Variants in CEP57 observed in about 807,000 individuals in gnomAD.
CEP57 encodes centrosomal protein of 57 kDa.
In CEP57, 40 loss-of-function variants were observed where a neutral mutation model predicts 68.0. The ratio of observed to expected loss-of-function variants is 0.59; its 90% CI spans 0.46 to 0.77. CEP57 has a LOEUF of 0.77. Among genes scored for constraint, CEP57 ranks in the 30% least tolerant of loss-of-function variants. The probability of loss-of-function intolerance (pLI) is 0.00; values close to 1 mark genes in which losing one functional copy is unlikely to be tolerated. For missense variants in CEP57, 606 were observed against 580.7 expected (o/e 1.04, Z -0.45); for synonymous variants, 219 against 198.7 (o/e 1.10, Z -0.86).
upstream of CEP57, chr11:95,790,327 T>C (rs1029450236): frequency 5.5e-6 from 2 of 363,520 alleles, no homozygotes; most frequent in East Asian, 5.7e-5. Flanking sequence ...GGCCCGACCC[T>C]CCGTAGAATC....
chr11:95,797,850 C>CAAGTCACT (rs1861416727), intron 1 of CEP57, among the ~76,000 whole-genome samples: 2 of 152,064 alleles, frequency 1.3e-5, no homozygotes, highest in South Asian at 4.1e-4. Flanking sequence ...GGGTGGTCGG[C>CAAGTCACT]AAGTCACTTA....
intron 2 of CEP57, among the ~76,000 whole-genome samples, chr11:95,804,175 G>C (rs1292865286): frequency 1.3e-5 from 2 of 152,100 alleles, no homozygotes; most frequent in Non-Finnish European, 2.9e-5. Flanking sequence ...AAAATAAATA[G>C]CTGACAAAGG....
chr11:95,790,397 A>G, upstream of CEP57: 3 of 500,350 alleles, frequency 6.0e-6, no homozygotes, highest in East Asian at 3.4e-5. Context: ...GTTACGCGCT[A>G]CCTTGTGACG....
chr11:95,831,649 A>C lies in CEP57; in HGVS notation c.*393A>C, dbSNP rs1003211689. 7 of 152,996 alleles carry C rather than the reference A, an allele frequency of 4.6e-5. No homozygotes were observed. Among genetic ancestry groups the C allele is most frequent in the East Asian group, 3.8e-4 (2 of 5,210 alleles). The allele number at this position is 152,996 out of a possible 1,614,324, so 9.5% of individuals were successfully genotyped here. A position where few individuals can be genotyped will look rare whatever the true frequency, so the allele number is the denominator to read the frequency against. On this transcript the variant is annotated 3_prime_UTR_variant, in exon 11 of 11. Coordinates refer to ENST00000325542, the MANE Select transcript of CEP57 (RefSeq NM_014679.5). The stretch of plus-strand genomic sequence containing the variant: ...TGCTATAGGCAGTGCTTGCTTGAAA[A>C]GTCTCATTTTTAAATCTCCCTGGCA...
chr11:95,792,625 TA>T (rs1008380783), intron 1 of CEP57, among the ~76,000 whole-genome samples: 2 of 152,238 alleles, frequency 1.3e-5, no homozygotes, highest in Non-Finnish European at 2.9e-5. Context: ...TAGGAAAGCA[TA>T]TTTTTTTTGT....
chr11:95,817,623 C>G (rs1862352411), intron 4 of CEP57, among the ~76,000 whole-genome samples, 164 bp from the exon 5 acceptor site: 1 of 152,106 alleles, frequency 6.6e-6, no homozygotes, highest in Non-Finnish European at 1.5e-5. Context: ...ACAGTATCCA[C>G]TTATATCAGT....
At chr11:95,796,569 A>G (rs935649077) in intron 1 of CEP57, among the ~76,000 whole-genome samples, 7 of 152,354 alleles carry the variant, frequency 4.6e-5, no homozygotes, top group Non-Finnish European at 8.8e-5. Context: ...TGCGGAGGAA[A>G]TGTATAGTTA....
At chr11:95,829,469 C>G in intron 10 of CEP57, 138 bp downstream of exon 10, 1 of 917,226 alleles carries the variant, frequency 1.1e-6, no homozygotes. Flanking sequence ...GACATTTGTT[C>G]ATTGAGAATT....
At position 95,812,987 on chromosome 11, in the gene CEP57, G is replaced by A. The variant is rs912374722; in HGVS notation, c.258G>A (p.Glu86=). 6.2e-7 allele frequency: 1 copy of A among 1,613,916 alleles called. No individual in the cohort carries two copies. Among genetic ancestry groups the A allele is most frequent in the African/African-American group, 1.3e-5 (1 of 74,912 alleles). Residue 86 remains glutamate, a synonymous_variant, in exon 3 of 11, where the codon GAG becomes GAA. Coordinates refer to ENST00000325542, the MANE Select transcript of CEP57 (RefSeq NM_014679.5). ...ATAAGATTCGACGCTTGGAACTTGA[G>A]AGGATTCAGGCAGAAGAAAGTGTGA... ...LQDKIRRLEL[E]RIQAEESVKT... is the part of the protein sequence containing the mutation.
At chr11:95,795,577 A>G in intron 1 of CEP57, 1 of 534,528 alleles carries the variant, frequency 1.9e-6, no homozygotes, top group South Asian at 2.7e-5. Flanking sequence ...TCTTTGTCTT[A>G]CTCCTGATTT....
chr11:95,797,312 C>T (rs1861393108), intron 1 of CEP57, among the ~76,000 whole-genome samples: 1 of 152,036 alleles, frequency 6.6e-6, no homozygotes, highest in South Asian at 2.1e-4. Context: ...GATTACAGGG[C>T]ACACCCCCAC....
At chr11:95,813,696 C>G in intron 4 of CEP57, 107 bp downstream of exon 4, 1 of 1,346,442 alleles carries the variant, frequency 7.4e-7, no homozygotes, top group Non-Finnish European at 1.0e-6. Flanking sequence ...TGTTACAGCC[C>G]AGGACTGAAA....
At chr11:95,812,209 T>TA in intron 2 of CEP57, among the ~76,000 whole-genome samples, 1 of 152,186 alleles carries the variant, frequency 6.6e-6, no homozygotes, top group South Asian at 2.1e-4. Context: ...CTCCTATTAA[T>TA]AAAATGTATT....
chr11:95,796,438 T>G (rs757375905), intron 1 of CEP57, among the ~76,000 whole-genome samples: 2 of 152,232 alleles, frequency 1.3e-5, no homozygotes, highest in Non-Finnish European at 2.9e-5. Context: ...AGCCTTCCTA[T>G]GATATTTGTG....
In CEP57 at chr11:95,790,583, T is replaced by G; in HGVS notation, c.-116T>G. ...GCCCAGCACCAGCACCCTTGCCCTT[T>G]TCCATCAGGGGTTCAGCCTAGGGTC... On this transcript the variant is annotated 5_prime_UTR_variant, in exon 1 of 11. Transcript: ENST00000325542. 7.7e-7 allele frequency: 1 copy of G among 1,293,832 alleles called. No homozygotes were observed. The highest frequency in any genetic ancestry group is 1.3e-5 in the South Asian group (1 of 79,034). The allele number at this position is 1,293,832 out of a possible 1,614,324, so 80.1% of individuals were successfully genotyped here.
chr11:95,821,279 C>T (rs926947553), intron 6 of CEP57, among the ~76,000 whole-genome samples: 3 of 151,910 alleles, frequency 2.0e-5, no homozygotes, highest in African/African-American at 7.3e-5. Flanking sequence ...TTTTGAAATT[C>T]TTAGTGCTTG....
chr11:95,799,295 G>C lies in CEP57; in HGVS notation c.109G>C (p.Val37Leu). The change falls in exon 2 of 11, where the codon GTA becomes CTA. Residue 37 changes from valine to leucine, a missense_variant. Transcript: ENST00000325542. Reference protein sequence around the residue: ...SMVRHSSSPYVVYPSDKPFLN... With the variant: ...SMVRHSSSPYLVYPSDKPFLN... ...GGTTCGGCATTCTTCATCTCCATAT[G>C]TAGTATATCCTTCGGATAAGCCTTT... is the stretch of plus-strand genomic sequence containing the variant. 6.2e-7 allele frequency: 1 copy of C among 1,614,104 alleles called. No individual in the cohort carries two copies. The highest frequency in any genetic ancestry group is 8.5e-7 in the Non-Finnish European group (1 of 1,179,958).
chr11:95,807,530 T>A (rs1861859106), intron 2 of CEP57, among the ~76,000 whole-genome samples: 1 of 152,144 alleles, frequency 6.6e-6, no homozygotes, highest in Non-Finnish European at 1.5e-5. Flanking sequence ...TTAAATGACC[T>A]GATGGAGCTG....
intron 1 of CEP57, among the ~76,000 whole-genome samples, chr11:95,796,983 G>A (rs941889433): frequency 7.2e-5 from 11 of 152,156 alleles, no homozygotes; most frequent in Non-Finnish European, 1.3e-4. Context: ...ATATCAGTAT[G>A]TTCAACAATC....
Sources: gnomAD v4.1 joint callset for allele counts (sites outside exome capture counted in the v4.1 genomes callset) on GRCh38, gnomAD v4.1.1 for gene constraint, MANE v1.5 for transcripts, NCBI Gene and HGNC (gene_info 2026-07-23, HGNC 2026-07-21) for gene names.